The following CCNT2 variants were observed in gnomAD, a reference collection of about 807,000 sequenced individuals.
CCNT2 encodes cyclin-T2.
A neutral mutation model predicts 70.0 loss-of-function variants in CCNT2; 18 were observed. That is an observed-to-expected ratio of 0.26 (90% CI 0.18 to 0.38). The LOEUF (loss-of-function observed/expected upper bound fraction) is 0.38. CCNT2 is among the 10% of genes least tolerant of loss of function. The probability of loss-of-function intolerance (pLI) is 1.00; values close to 1 mark genes in which losing one functional copy is unlikely to be tolerated. For missense variants in CCNT2, 734 were observed against 890.2 expected (o/e 0.82, Z 2.23); for synonymous variants, 334 against 313.3 (o/e 1.07, Z -0.70).
chr2:134,936,151 CT>C (rs10712483), intron 2 of CCNT2, among the ~76,000 whole-genome samples: 32,418 of 124,678 alleles, frequency 0.26, 3,993 homozygotes, highest in Middle Eastern at 0.61. Flanking sequence ...CGCTTTTCAT[CT>C]TTTTTTTTTT....
chr2:134,945,706 A>G, intron 5 of CCNT2: 1 of 1,271,190 alleles, frequency 7.9e-7, no homozygotes, highest in Admixed American at 2.7e-5. Context: ...ACTGAGGATT[A>G]AGTCTGGCAG....
Position 134,954,317 on chromosome 2 carries a change from T to C in CCNT2, c.1862T>C (p.Leu621Pro), listed in dbSNP as rs368609123. 25 of 1,614,072 alleles carry C rather than the reference T, an allele frequency of 1.5e-5. 1 individual carries two copies. The East Asian group carries it at 5.6e-4, about 36-fold the overall frequency. Reference sequence around the variant, plus strand: ...AGCTCCAGCTCTTCAAGGAAGAGGCTGCATGTCAATGATGCATCTCACAAC... The same window carrying C: ...AGCTCCAGCTCTTCAAGGAAGAGGCCGCATGTCAATGATGCATCTCACAAC... The part of the protein sequence containing the change: ...SSSSSSSRKR[L>P]HVNDASHNHH... The change falls in exon 9 of 9, where the codon CTG (leucine) becomes CCG (proline). Residue 621 changes from leucine to proline, a missense_variant. Leu to Pro is a moderately conservative substitution (Grantham distance 98). Transcript: ENST00000264157.
Position 134,918,944 on chromosome 2 carries a change from G to T in CCNT2, c.90G>T (p.Ala30=), listed in dbSNP as rs575574074. ...CGAGCCGCCGCTGCGGAGTGGAGGC[G>T]GATAAAGAGCTCTCGTGCCGCCAGC... is the stretch of plus-strand genomic sequence containing the variant. ...NTPSRRCGVE[A]DKELSCRQQA... Residue 30 remains alanine (A), a synonymous_variant, in exon 1 of 9, where the codon GCG becomes GCT. Transcript: ENST00000264157. 1.9e-6 allele frequency: 3 copies of T among 1,614,024 alleles called. No individual in the cohort carries two copies. The highest frequency in any genetic ancestry group is 2.2e-5 in the East Asian group (1 of 44,868).
In CCNT2 at chr2:134,953,787, A is replaced by G; in HGVS notation, c.1332A>G (p.Lys444=). The part of the protein sequence containing the change: ...MSLDKYREKR[K]LETLDLDVRD... ...TAGATAAATATAGAGAAAAGCGTAA[A>G]CTAGAAACTCTTGATCTCGATGTAA... The change falls in exon 9 of 9, where the codon AAA becomes AAG. Residue 444 remains lysine, a synonymous_variant. Coordinates refer to ENST00000264157, the MANE Select transcript of CCNT2 (RefSeq NM_058241.3). The G allele has an allele frequency of 6.2e-7, 1 of 1,614,078 alleles. No homozygotes were observed. The highest frequency in any genetic ancestry group is 8.5e-7 in the Non-Finnish European group (1 of 1,179,962).
chr2:134,921,847 T>G (rs1046139752), intron 2 of CCNT2, among the ~76,000 whole-genome samples: 6 of 152,208 alleles, frequency 3.9e-5, no homozygotes, highest in African/African-American at 1.4e-4. Flanking sequence ...ATTACCTTCT[T>G]TAATGTCTTA....
intron 8 of CCNT2, 147 bp downstream of exon 8, chr2:134,952,858 A>G: frequency 1.6e-6 from 1 of 624,688 alleles, no homozygotes; most frequent in South Asian, 2.2e-5. Flanking sequence ...TCACATATTC[A>G]ACTACTGAGT....
chr2:134,931,260 A>ATTTTTTTTTTTTTTTTTTTTT (rs1351628226), intron 2 of CCNT2, among the ~76,000 whole-genome samples: 5 of 42,940 alleles, frequency 1.2e-4, no homozygotes, highest in African/African-American at 1.9e-4. Context: ...CCATGCCCGG[A>ATTTTTTTTTTTTTTTTTTTTT]TCTTTTTTTT....
intron 7 of CCNT2, 89 bp from the exon 8 acceptor site, chr2:134,952,549 ACTC>A (rs1395407773): frequency 3.0e-6 from 2 of 663,274 alleles, no homozygotes; most frequent in Non-Finnish European, 5.1e-6. Context: ...AAGTAGATGA[ACTC>A]CTAGCATTCC....
chr2:134,953,612 C>G lies in CCNT2; in HGVS notation c.1157C>G (p.Ser386Cys). 1 of 1,613,984 alleles carries G rather than the reference C, an allele frequency of 6.2e-7. No homozygotes were observed. The highest frequency in any genetic ancestry group is 1.3e-5 in the African/African-American group (1 of 75,038). Residue 386 changes from serine (S) to cysteine (C), a missense_variant, in exon 9 of 9, where the codon TCT becomes TGT. Physicochemically the swap from Ser to Cys is moderately radical, Grantham distance 112. Coordinates refer to ENST00000264157, the MANE Select transcript of CCNT2 (RefSeq NM_058241.3). ...AACATCAACTTCCAGCAGGGACCTT[C>G]TATATCACTGCATTCAGGATTACAT... Reference protein sequence around the residue: ...QYNINFQQGPSISLHSGLHHR... With the variant: ...QYNINFQQGPCISLHSGLHHR...
At chr2:134,941,372 G>A (rs553455462) in intron 4 of CCNT2, among the ~76,000 whole-genome samples, 3 of 152,254 alleles carry the variant, frequency 2.0e-5, no homozygotes, top group South Asian at 4.2e-4. Context: ...TTAGCTTACT[G>A]TGTTGTAAAA....
chr2:134,929,152 T>C (rs1680529580), intron 2 of CCNT2, among the ~76,000 whole-genome samples: 1 of 152,228 alleles, frequency 6.6e-6, no homozygotes, highest in African/African-American at 2.4e-5. Flanking sequence ...TTTAAGAAAT[T>C]GATATTCTCA....
intron 7 of CCNT2, among the ~76,000 whole-genome samples, chr2:134,950,910 C>T (rs1043610694): frequency 4.6e-5 from 7 of 152,128 alleles, no homozygotes; most frequent in African/African-American, 1.4e-4. Context: ...AAAAACAAAG[C>T]TTACATTTTG....
At position 134,925,859 on chromosome 2, in the gene CCNT2, C is replaced by CTTT. The variant is rs3041372; in HGVS notation, c.240+5990_240+5992dup. Reference sequence around the variant, plus strand: ...TAATATTGGAAACTTGGATAGCTGCCTTTTTTTTTTTTTTTTTTTTTTTTG... The same window carrying CTTT: ...TAATATTGGAAACTTGGATAGCTGCCTTTTTTTTTTTTTTTTTTTTTTTTTTTG... On this transcript the variant is annotated intron_variant, in intron 2 of 8. Coordinates refer to ENST00000264157, the MANE Select transcript of CCNT2 (RefSeq NM_058241.3). Among the ~76,000 whole-genome samples, 88 of 85,258 alleles carry CTTT rather than the reference C, an allele frequency of 1.0e-3. 1 individual carries two copies. Among genetic ancestry groups the CTTT allele is most frequent in the African/African-American group, 1.9e-3 (37 of 19,806 alleles). 55.9% of individuals were successfully genotyped at this position (85,258 alleles called of 152,430 possible).
intron 6 of CCNT2, among the ~76,000 whole-genome samples, chr2:134,947,344 G>A (rs1240055125): frequency 6.6e-6 from 1 of 152,082 alleles, no homozygotes; most frequent in Non-Finnish European, 1.5e-5. Flanking sequence ...TTTACAAATA[G>A]TTTTTATCTT....
At chr2:134,950,448 G>A (rs1484610920) in intron 7 of CCNT2, among the ~76,000 whole-genome samples, 1 of 152,146 alleles carries the variant, frequency 6.6e-6, no homozygotes, top group Non-Finnish European at 1.5e-5. Flanking sequence ...AGCCCAGCCT[G>A]AGCAACATGG....
intron 2 of CCNT2, among the ~76,000 whole-genome samples, chr2:134,926,970 ATT>A: frequency 6.6e-6 from 1 of 152,334 alleles, no homozygotes; most frequent in South Asian, 2.1e-4. Flanking sequence ...TTCCAGAAGT[ATT>A]TATAAGTACA....
chr2:134,953,590 A>C lies in CCNT2; in HGVS notation c.1135A>C (p.Ile379Leu), dbSNP rs766205042. The change falls in exon 9 of 9, where the codon ATC becomes CTC. Residue 379 changes from isoleucine to leucine, a missense_variant. Around this residue, in one of 3 missense-constraint regions of CCNT2, gnomAD observed 532 missense variants for 556.9 expected, o/e 0.96. Coordinates refer to ENST00000264157, the MANE Select transcript of CCNT2 (RefSeq NM_058241.3). Reference sequence around the variant, plus strand: ...ATCTTTGTCTGGTAGCCAGTACAACATCAACTTCCAGCAGGGACCTTCTAT... The same window carrying C: ...ATCTTTGTCTGGTAGCCAGTACAACCTCAACTTCCAGCAGGGACCTTCTAT... Reference protein sequence around the residue: ...ETSLSGSQYNINFQQGPSISL... With the variant: ...ETSLSGSQYNLNFQQGPSISL... 2.5e-6 allele frequency: 4 copies of C among 1,614,126 alleles called. No homozygotes were observed. The highest frequency in any genetic ancestry group is 2.5e-6 in the Non-Finnish European group (3 of 1,179,978).
At chr2:134,919,972 G>T (rs533911316) in intron 2 of CCNT2, 81 bp downstream of exon 2, 2 of 879,978 alleles carry the variant, frequency 2.3e-6, no homozygotes, top group South Asian at 1.4e-5. Context: ...TCATTGCGTT[G>T]TTGGATTTAG....
At position 134,948,040 on chromosome 2, in the gene CCNT2, T is replaced by G. The variant is rs956355989; in HGVS notation, c.703+141T>G. 86 of 470,844 alleles carry G rather than the reference T, an allele frequency of 1.8e-4. 1 individual carries two copies. Among genetic ancestry groups the G allele is most frequent in the Non-Finnish European group, 5.1e-5 (14 of 273,974 alleles). The allele number at this position is 470,844 out of a possible 1,614,324, so 29.2% of individuals were successfully genotyped here. A position where few individuals can be genotyped will look rare whatever the true frequency, so the allele number is the denominator to read the frequency against. On this transcript the variant is annotated intron_variant, in intron 7 of 8. Coordinates refer to ENST00000264157, the MANE Select transcript of CCNT2 (RefSeq NM_058241.3). ...TCAGCCTAAAGAAAAAAAAATAGAG[T>G]CTGGAAGCTGTGCTCATACCTGTAA... is the stretch of plus-strand genomic sequence containing the variant.
Sources: gnomAD v4.1 joint callset for allele counts (sites outside exome capture counted in the v4.1 genomes callset) on GRCh38, gnomAD v4.1.1 for gene constraint, gnomAD v4.1.1 regional missense constraint, MANE v1.5 for transcripts, NCBI Gene and HGNC (gene_info 2026-07-23, HGNC 2026-07-21) for gene names.